FAM53B: variants seen among roughly 807,000 people sequenced by gnomAD.
The protein encoded by FAM53B is protein FAM53B.
FAM53B carries 12 observed loss-of-function variants against 32.7 expected under a neutral mutation model. The ratio of observed to expected loss-of-function variants is 0.37; its 90% CI spans 0.24 to 0.59. FAM53B has a LOEUF of 0.59. Ranked by LOEUF, FAM53B falls within the 20% of genes least tolerant of loss-of-function variation. The probability of loss-of-function intolerance (pLI) is 0.72; values close to 1 mark genes in which losing one functional copy is unlikely to be tolerated. For missense variants in FAM53B, 477 were observed against 577.7 expected, an observed-to-expected ratio of 0.83 and a Z score of 1.79; for synonymous variants, 234 against 228.7, an observed-to-expected ratio of 1.02 and a Z score of -0.21.
chr10:124,638,361 G>A (rs772927096), intron 4 of FAM53B, among the ~76,000 whole-genome samples: 8 of 151,316 alleles, frequency 5.3e-5, no homozygotes, highest in Non-Finnish European at 1.0e-4. Context: ...CTGGGTGACA[G>A]AGACTCCACC....
At chr10:124,636,183 C>T (rs1010592169) in intron 4 of FAM53B, among the ~76,000 whole-genome samples, 1 of 152,204 alleles carries the variant, frequency 6.6e-6, no homozygotes, top group Non-Finnish European at 1.5e-5. Context: ...CTTGTGTTTT[C>T]CAAGGTCGAA....
chr10:124,662,469 TCCATCCATCCATCCATCCA>T (rs1949639679), intron 4 of FAM53B, among the ~76,000 whole-genome samples: 1 of 6,888 alleles, frequency 1.5e-4, no homozygotes, highest in African/African-American at 4.6e-4. Context: ...CACCCATCCA[TCCATCCATCCATCCATCCA>T]TCCATCCATC....
chr10:124,721,437 A>G (rs1457766633), intron 1 of FAM53B, among the ~76,000 whole-genome samples: 1 of 152,256 alleles, frequency 6.6e-6, no homozygotes, highest in Non-Finnish European at 1.5e-5. Flanking sequence ...CAAGGCTGGC[A>G]GAGCCGCACT....
chr10:124,649,713 C>T (rs979737307), intron 4 of FAM53B, among the ~76,000 whole-genome samples: 4 of 152,226 alleles, frequency 2.6e-5, no homozygotes, highest in African/African-American at 9.6e-5. Flanking sequence ...AGAACTCAGG[C>T]TGGCGGTGTC....
chr10:124,646,181 G>A (rs939174191), intron 4 of FAM53B, among the ~76,000 whole-genome samples: 3 of 152,332 alleles, frequency 2.0e-5, no homozygotes, highest in East Asian at 3.9e-4. Flanking sequence ...CTCCCATGAA[G>A]GACAGCTCTC....
Position 124,726,151 on chromosome 10 carries a change from AT to A in FAM53B, c.-175+17861del, listed in dbSNP as rs530234641. On this transcript the variant is annotated intron_variant, in intron 1 of 4. Transcript: ENST00000337318. Reference sequence around the variant, plus strand: ...GTGGTTCCTAAAGTTTGAAAAACACATTTTTAGTGGATTTGGTACCTAGAAC... The same window carrying A: ...GTGGTTCCTAAAGTTTGAAAAACACATTTTAGTGGATTTGGTACCTAGAAC... Among the ~76,000 whole-genome samples the A allele has an allele frequency of 4.0e-4, 61 of 152,304 alleles. 1 individual carries two copies. The East Asian group carries it at 0.011, about 28-fold the overall frequency.
At position 124,706,761 on chromosome 10, in the gene FAM53B, A is replaced by G; in HGVS notation, c.-48T>C. 1 of 1,613,494 alleles carries G rather than the reference A, an allele frequency of 6.2e-7. No individual in the cohort carries two copies. Among genetic ancestry groups the G allele is most frequent in the Non-Finnish European group, 8.5e-7 (1 of 1,179,782 alleles). ...CTCCATCCCAGGGTGGGTATCAGCC[A>G]TCTTCACTTGGGCAGACTTGGGGTG... On this transcript the variant is annotated 5_prime_UTR_variant, in exon 2 of 5. An upstream start codon of the reference 5' UTR is lost. Coordinates refer to ENST00000337318, the MANE Select transcript of FAM53B (RefSeq NM_014661.4).
chr10:124,739,207 A>G (rs1436564069), intron 1 of FAM53B, among the ~76,000 whole-genome samples: 1 of 152,272 alleles, frequency 6.6e-6, no homozygotes, highest in African/African-American at 2.4e-5. Context: ...ATATGAACAC[A>G]CAGCAGGGCA....
At chr10:124,687,338 T>C (rs992387315) in intron 3 of FAM53B, among the ~76,000 whole-genome samples, 1 of 151,894 alleles carries the variant, frequency 6.6e-6, no homozygotes, top group South Asian at 2.1e-4. Context: ...CTCTTTCAAG[T>C]CACAATTGTC....
intron 4 of FAM53B, among the ~76,000 whole-genome samples, chr10:124,677,961 G>A (rs1949746823): frequency 6.6e-6 from 1 of 152,224 alleles, no homozygotes; most frequent in African/African-American, 2.4e-5. Context: ...TGAACACCGA[G>A]TTGACTACAG....
At chr10:124,669,420 C>A (rs753444440) in intron 4 of FAM53B, among the ~76,000 whole-genome samples, 2 of 152,204 alleles carry the variant, frequency 1.3e-5, no homozygotes, top group Non-Finnish European at 2.9e-5. Flanking sequence ...GCTTTACCAG[C>A]CTGCTCATAG....
At chr10:124,672,681 C>G (rs1328001015) in intron 4 of FAM53B, among the ~76,000 whole-genome samples, 1 of 152,208 alleles carries the variant, frequency 6.6e-6, no homozygotes, top group South Asian at 2.1e-4. Context: ...GAATGCGCAG[C>G]CACTTTCAAA....
At chr10:124,715,233 G>A (rs1950031835) in intron 1 of FAM53B, among the ~76,000 whole-genome samples, 1 of 152,168 alleles carries the variant, frequency 6.6e-6, no homozygotes, top group African/African-American at 2.4e-5. Flanking sequence ...GTTGAAACAT[G>A]GTATTAGGGG....
Position 124,682,611 on chromosome 10 carries a change from G to A in FAM53B, c.134-232C>T, listed in dbSNP as rs977629130. 2.0e-5 allele frequency among the ~76,000 whole-genome samples: 3 copies of A among 152,182 alleles called. No homozygotes were observed. The East Asian group carries it at 5.8e-4, about 29-fold the overall frequency. Reference sequence around the variant, plus strand: ...GAAGCAGAGCAGGGCCTAGAATCCAGATATACCCCTGGGACTCCTGATATG... The same window carrying A: ...GAAGCAGAGCAGGGCCTAGAATCCAAATATACCCCTGGGACTCCTGATATG... On this transcript the variant is annotated intron_variant, in intron 3 of 4. Coordinates refer to ENST00000337318, the MANE Select transcript of FAM53B (RefSeq NM_014661.4). This position sits in a 1 kb window ranked among gnomAD's most constrained non-coding sequence, Gnocchi z 5.2.
At chr10:124,706,511 A>C in intron 2 of FAM53B, 125 bp downstream of exon 2, 1 of 1,230,156 alleles carries the variant, frequency 8.1e-7, no homozygotes, top group Non-Finnish European at 1.2e-6. Context: ...GGGACGCCTC[A>C]CAGAGCTTTG....
intron 1 of FAM53B, among the ~76,000 whole-genome samples, chr10:124,721,452 G>A (rs749357358): frequency 6.6e-6 from 1 of 152,248 alleles, no homozygotes; most frequent in Non-Finnish European, 1.5e-5. Flanking sequence ...CGCACTGCAG[G>A]CTTCAGTTCT....
intron 4 of FAM53B, among the ~76,000 whole-genome samples, chr10:124,629,559 GC>G (rs1247861433): frequency 1.3e-5 from 2 of 152,338 alleles, no homozygotes; most frequent in East Asian, 3.9e-4. Flanking sequence ...GCTGAAAGCT[GC>G]AGGGGCCCCA....
chr10:124,712,512 C>T (rs1262395708), intron 1 of FAM53B, among the ~76,000 whole-genome samples: 1 of 152,162 alleles, frequency 6.6e-6, no homozygotes, highest in Non-Finnish European at 1.5e-5. Flanking sequence ...AAGTAGCAAT[C>T]GTGGGCCGCA....
At chr10:124,690,015 C>G (rs561436206) in intron 3 of FAM53B, among the ~76,000 whole-genome samples, 2 of 152,304 alleles carry the variant, frequency 1.3e-5, no homozygotes, top group East Asian at 3.9e-4. Context: ...TCAGTTTGGT[C>G]CATCTCCTCT....
Sources: allele counts gnomAD v4.1 joint callset (sites outside exome capture counted in the v4.1 genomes callset), GRCh38; gene constraint gnomAD v4.1.1; non-coding constraint Gnocchi (gnomAD v3.1); transcripts MANE v1.5; gene names NCBI Gene and HGNC (gene_info 2026-07-23, HGNC 2026-07-21).